PELI2: variants seen among roughly 807,000 people sequenced by gnomAD.
PELI2 encodes the protein pellino E3 ubiquitin protein ligase family member 2.
Under a neutral mutation model 42.3 loss-of-function variants are expected in PELI2, and 23 were observed. The observed-to-expected ratio is 0.54, with a 90% CI of 0.39 to 0.77. The LOEUF (loss-of-function observed/expected upper bound fraction) is 0.77. Among genes scored for constraint, PELI2 ranks in the 30% least tolerant of loss-of-function variants. PELI2 has a pLI of 0.00. For synonymous variants in PELI2, 245 were observed against 212.2 expected, an observed-to-expected ratio of 1.15 and a Z score of -1.34; for missense variants, 463 against 553.2, an observed-to-expected ratio of 0.84 and a Z score of 1.64.
intron 1 of PELI2, among the ~76,000 whole-genome samples, chr14:56,135,984 C>G (rs1883676348): frequency 6.6e-6 from 1 of 152,178 alleles, no homozygotes; most frequent in Non-Finnish European, 1.5e-5. Context: ...ATGGATGAGG[C>G]TTACCTCGTT....
chr14:56,215,280 A>G (rs1489339873), intron 2 of PELI2, among the ~76,000 whole-genome samples: 1 of 152,234 alleles, frequency 6.6e-6, no homozygotes, highest in Non-Finnish European at 1.5e-5. Context: ...CTTGGAGGCT[A>G]CACCCTTTTC....
intron 2 of PELI2, among the ~76,000 whole-genome samples, chr14:56,278,447 C>T (rs1416496845): frequency 5.3e-5 from 8 of 152,088 alleles, no homozygotes; most frequent in Non-Finnish European, 1.0e-4. Flanking sequence ...ATTTATCTGA[C>T]TCAGATCAAT....
chr14:56,211,464 G>A (rs1886709867), intron 2 of PELI2, among the ~76,000 whole-genome samples: 1 of 152,172 alleles, frequency 6.6e-6, no homozygotes, highest in Non-Finnish European at 1.5e-5. Flanking sequence ...AGGGTGCTCA[G>A]TGTGCACCTC....
chr14:56,145,060 T>C lies in PELI2; in HGVS notation c.77+26323T>C, dbSNP rs938626654. The C allele has an allele frequency of 5.6e-6, 3 of 538,816 alleles. No homozygotes were observed. The African/African-American group carries it at 6.2e-5, about 11-fold the overall frequency. 33.4% of individuals were successfully genotyped at this position (538,816 alleles called of 1,614,324 possible). A position where few individuals can be genotyped will look rare whatever the true frequency, so the allele number is the denominator to read the frequency against. On this transcript the variant is annotated intron_variant, in intron 1 of 5. Transcript: ENST00000267460. ...ATTGCTATGAAGAACTTCCTGAGAC[T>C]AGGTTCTTTATAAAGAAAAGAGGCT... is the stretch of plus-strand genomic sequence containing the variant.
chr14:56,133,571 CT>C (rs1159760151), intron 1 of PELI2, among the ~76,000 whole-genome samples: 4 of 152,238 alleles, frequency 2.6e-5, no homozygotes, highest in Non-Finnish European at 4.4e-5. Flanking sequence ...GTTTTCTGCC[CT>C]TGGGGCCTTT....
At chr14:56,142,936 A>G (rs907270717) in intron 1 of PELI2, among the ~76,000 whole-genome samples, 1 of 152,184 alleles carries the variant, frequency 6.6e-6, no homozygotes, top group East Asian at 1.9e-4. Context: ...GCTTCTTCTA[A>G]TATCAGTTTT....
intron 2 of PELI2, among the ~76,000 whole-genome samples, chr14:56,227,681 C>G (rs1024348385): frequency 6.6e-6 from 1 of 152,230 alleles, no homozygotes; most frequent in African/African-American, 2.4e-5. Flanking sequence ...GCAGTAAGTA[C>G]AGCGGACATC....
At chr14:56,251,375 C>A (rs1888337675) in intron 2 of PELI2, among the ~76,000 whole-genome samples, 1 of 152,178 alleles carries the variant, frequency 6.6e-6, no homozygotes, top group South Asian at 2.1e-4. Context: ...TTTATTTTAT[C>A]CCTGCAACAA....
chr14:56,149,420 C>A (rs1884254504), intron 1 of PELI2, among the ~76,000 whole-genome samples: 1 of 152,128 alleles, frequency 6.6e-6, no homozygotes, highest in Admixed American at 6.5e-5. Flanking sequence ...TACAACTTGC[C>A]AAGTTTAATC....
chr14:56,268,529 A>G (rs1287249909), intron 2 of PELI2, among the ~76,000 whole-genome samples: 1 of 152,048 alleles, frequency 6.6e-6, no homozygotes, highest in Non-Finnish European at 1.5e-5. Flanking sequence ...CATTATTTTA[A>G]TTTTTACTAT....
At chr14:56,199,229 G>T (rs1056637146) in intron 2 of PELI2, among the ~76,000 whole-genome samples, 1 of 152,184 alleles carries the variant, frequency 6.6e-6, no homozygotes, top group Non-Finnish European at 1.5e-5. Context: ...ATGCTTCTGG[G>T]TTGTCCTTAG....
At chr14:56,272,107 G>A (rs1889127827) in intron 2 of PELI2, among the ~76,000 whole-genome samples, 1 of 152,164 alleles carries the variant, frequency 6.6e-6, no homozygotes, top group African/African-American at 2.4e-5. Flanking sequence ...TACACACAAA[G>A]AAGACTATGC....
At chr14:56,147,248 G>T (rs578181132) in intron 1 of PELI2, among the ~76,000 whole-genome samples, 1 of 152,324 alleles carries the variant, frequency 6.6e-6, no homozygotes, top group African/African-American at 2.4e-5. Context: ...TATTATGAAT[G>T]ATGCTGTTAT....
intron 2 of PELI2, among the ~76,000 whole-genome samples, chr14:56,196,976 A>G (rs998227432): frequency 6.6e-6 from 1 of 152,282 alleles, no homozygotes; most frequent in South Asian, 2.1e-4. Context: ...AGGTTTATGT[A>G]ACATATTTTT....
At chr14:56,167,705 G>A (rs1024103420) in intron 1 of PELI2, among the ~76,000 whole-genome samples, 1 of 152,188 alleles carries the variant, frequency 6.6e-6, no homozygotes, top group Non-Finnish European at 1.5e-5. Context: ...GTGAGGTCAT[G>A]TTTTCCTGGA....
chr14:56,185,056 AT>A (rs145854202), intron 2 of PELI2, among the ~76,000 whole-genome samples: 167 of 151,972 alleles, frequency 1.1e-3, no homozygotes, highest in African/African-American at 3.0e-3. Flanking sequence ...TTATATGGCT[AT>A]TTTTTTATTA....
intron 2 of PELI2, among the ~76,000 whole-genome samples, chr14:56,228,033 G>A (rs4901659): frequency 0.4 from 60,899 of 152,094 alleles, 12,998 homozygotes; most frequent in South Asian, 0.53. Flanking sequence ...TCTAGGCATC[G>A]AAAATAATGT....
intron 2 of PELI2, among the ~76,000 whole-genome samples, chr14:56,269,315 C>T (rs528763790): frequency 7.2e-5 from 11 of 151,966 alleles, no homozygotes; most frequent in East Asian, 5.8e-4. Flanking sequence ...TGGTGGTGTG[C>T]GCCTGTGGTC....
At chr14:56,257,611 T>G (rs1019000358) in intron 2 of PELI2, among the ~76,000 whole-genome samples, 11 of 152,132 alleles carry the variant, frequency 7.2e-5, no homozygotes, top group African/African-American at 2.7e-4. Context: ...CTTCCATGCA[T>G]GAAGAATTAA....
Sources: gnomAD v4.1 joint callset for allele counts (sites outside exome capture counted in the v4.1 genomes callset) on GRCh38, gnomAD v4.1.1 for gene constraint, MANE v1.5 for transcripts, NCBI Gene and HGNC (gene_info 2026-07-23, HGNC 2026-07-21) for gene names.